STXBP5: variants seen among roughly 807,000 people sequenced by gnomAD.
STXBP5 encodes syntaxin-binding protein 5.
Under a neutral mutation model 152.4 loss-of-function variants are expected in STXBP5, and 50 were observed. The observed-to-expected ratio is 0.33, with a 90% CI of 0.26 to 0.42. The LOEUF (loss-of-function observed/expected upper bound fraction) is 0.42. Ranked by LOEUF, STXBP5 falls within the 10% of genes least tolerant of loss-of-function variation. STXBP5 has a pLI of 1.00. For synonymous variants in STXBP5, 492 were observed against 494.7 expected, an observed-to-expected ratio of 0.99 and a Z score of 0.07; for missense variants, 1,167 against 1,388.6, an observed-to-expected ratio of 0.84 and a Z score of 2.54.
rs528024431 is a variant in STXBP5, at chr6:147,385,630, A to G, written c.*875A>G. ...ATTTGACCAAAATAATGCTGGTTAA[A>G]TTTGTAGAAATGTTGAAATTGGCTG... On this transcript the variant is annotated 3_prime_UTR_variant, in exon 28 of 28. Coordinates refer to ENST00000321680, the MANE Select transcript of STXBP5 (RefSeq NM_001127715.4). 6.6e-6 allele frequency: 1 copy of G among 152,240 alleles called. No homozygotes were observed. The highest frequency in any genetic ancestry group is 6.5e-5 in the Admixed American group (1 of 15,272). The allele number at this position is 152,240 out of a possible 1,614,324, so 9.4% of individuals were successfully genotyped here. A position where few individuals can be genotyped will look rare whatever the true frequency, so the allele number is the denominator to read the frequency against.
chr6:147,246,177 T>C (rs1181846819), intron 4 of STXBP5, among the ~76,000 whole-genome samples: 1 of 152,214 alleles, frequency 6.6e-6, no homozygotes, highest in Non-Finnish European at 1.5e-5. Flanking sequence ...ATATGTTCCA[T>C]TTAGCTTAAT....
chr6:147,213,434 ATGTGTGTGTGTGTGTGTGTG>A (rs1159372834), intron 2 of STXBP5, among the ~76,000 whole-genome samples: 3 of 85,536 alleles, frequency 3.5e-5, no homozygotes, highest in East Asian at 4.7e-4. Flanking sequence ...AATTTTATAT[ATGTGTGTGTGTGTGTGTGTG>A]TGTGTGTGTG....
chr6:147,297,978 T>C (rs1056728281), intron 9 of STXBP5, among the ~76,000 whole-genome samples: 3 of 152,016 alleles, frequency 2.0e-5, no homozygotes, highest in African/African-American at 7.2e-5. Context: ...AGAAAGCAGT[T>C]AACAAAATGG....
intron 19 of STXBP5, among the ~76,000 whole-genome samples, chr6:147,334,921 TC>T (rs923274946): frequency 8.5e-5 from 13 of 152,122 alleles, no homozygotes; most frequent in Non-Finnish European, 1.8e-4. Context: ...CAGGTTTTGA[TC>T]CTTCCATAGC....
chr6:147,268,133 T>A (rs1029252386), intron 7 of STXBP5, among the ~76,000 whole-genome samples: 2 of 152,212 alleles, frequency 1.3e-5, no homozygotes, highest in African/African-American at 4.8e-5. Flanking sequence ...GCTCAACAAC[T>A]TAAACATATT....
chr6:147,206,370 A>G lies in STXBP5; in HGVS notation c.248+302A>G, dbSNP rs1032984415. Among the ~76,000 whole-genome samples, 51 of 152,172 alleles carry G rather than the reference A, an allele frequency of 3.4e-4. 1 individual carries two copies. On this transcript the variant is annotated intron_variant, in intron 2 of 27. Coordinates refer to ENST00000321680, the MANE Select transcript of STXBP5 (RefSeq NM_001127715.4). Reference sequence around the variant, plus strand: ...TCTAAGGAAAAATATATCTGCTTCTATACTATTGGTGTGATGAATGAGGTA... The same window carrying G: ...TCTAAGGAAAAATATATCTGCTTCTGTACTATTGGTGTGATGAATGAGGTA...
Position 147,363,998 on chromosome 6 carries a change from A to T in STXBP5, c.2916-3A>T. ...TTAACAAGTTTTTAATTTTTTTCTCAAGTTTGCCAAGTTTAAGACCTCTGT... is the reference window on the plus strand; with the variant it reads ...TTAACAAGTTTTTAATTTTTTTCTCTAGTTTGCCAAGTTTAAGACCTCTGT... On this transcript the variant is annotated splice_polypyrimidine_tract_variant and splice_region_variant and intron_variant, in intron 24 of 27. Coordinates refer to ENST00000321680, the MANE Select transcript of STXBP5 (RefSeq NM_001127715.4). The T allele has an allele frequency of 4.4e-6, 7 of 1,607,498 alleles. No individual in the cohort carries two copies. Among genetic ancestry groups the T allele is most frequent in the Non-Finnish European group, 5.9e-6 (7 of 1,178,438 alleles).
At chr6:147,309,922 A>T (rs966672494) in intron 9 of STXBP5, among the ~76,000 whole-genome samples, 162 bp from the exon 10 acceptor site, 1 of 152,156 alleles carries the variant, frequency 6.6e-6, no homozygotes, top group Non-Finnish European at 1.5e-5. Context: ...CTTGGGTCTT[A>T]ACTAATCCAA....
chr6:147,315,874 CT>C, intron 15 of STXBP5, 139 bp downstream of exon 15: 1 of 723,210 alleles, frequency 1.4e-6, no homozygotes. Flanking sequence ...TATTATCTCT[CT>C]TTTGTAAAAA....
chr6:147,325,108 C>G (rs751301014), intron 17 of STXBP5, 24 bp downstream of exon 17: 1 of 1,474,842 alleles, frequency 6.8e-7, no homozygotes, highest in South Asian at 1.4e-5. Context: ...ACGTTTTTTT[C>G]TAAGTCTCTT....
Position 147,382,912 on chromosome 6 carries a change from G to C in STXBP5, c.3328G>C (p.Glu1110Gln). ...AGCACGAGCCAGGCTGGCACTAGAT[G>C]AAAGAGGGCAGAAACTTGGCGATCT... ...ELARARLALDERGQKLGDLEE... is the reference protein window; with the variant it reads ...ELARARLALDQRGQKLGDLEE... Residue 1110 changes from glutamate (E) to glutamine (Q), a missense_variant, in exon 27 of 28, where the codon GAA (glutamate) becomes CAA (glutamine). This residue lies in a region of STXBP5 where 833 missense variants were observed against 986.3 expected (regional missense o/e 0.84). Transcript: ENST00000321680. The C allele has an allele frequency of 6.2e-7, 1 of 1,613,528 alleles. No individual in the cohort carries two copies. Among genetic ancestry groups the C allele is most frequent in the Non-Finnish European group, 8.5e-7 (1 of 1,179,688 alleles).
At chr6:147,270,819 A>G (rs944689259) in intron 7 of STXBP5, among the ~76,000 whole-genome samples, 1 of 152,190 alleles carries the variant, frequency 6.6e-6, no homozygotes, top group African/African-American at 2.4e-5. Flanking sequence ...AGAGTTAACA[A>G]ACAGACAACA....
At chr6:147,258,431 T>G (rs1358155874) in intron 4 of STXBP5, among the ~76,000 whole-genome samples, 2 of 152,076 alleles carry the variant, frequency 1.3e-5, no homozygotes, top group South Asian at 2.1e-4. Context: ...TAGTTTTTTG[T>G]TTTTTGTTTT....
intron 3 of STXBP5, among the ~76,000 whole-genome samples, chr6:147,238,303 A>C (rs1778376853): frequency 6.6e-6 from 1 of 152,200 alleles, no homozygotes; most frequent in African/African-American, 2.4e-5. Flanking sequence ...CAAAGAGGTC[A>C]GCCTCACTTT....
chr6:147,312,732 C>A (rs532514216), intron 11 of STXBP5, among the ~76,000 whole-genome samples: 1 of 152,238 alleles, frequency 6.6e-6, no homozygotes, highest in Non-Finnish European at 1.5e-5. Flanking sequence ...TTAGTACCTG[C>A]TACTTTTACT....
intron 22 of STXBP5, among the ~76,000 whole-genome samples, chr6:147,355,310 T>C (rs940934719): frequency 1.3e-5 from 2 of 152,170 alleles, no homozygotes; most frequent in African/African-American, 2.4e-5. Context: ...TAAAAGTTTG[T>C]TGAATAAGGC....
chr6:147,206,428 T>A (rs937751271), intron 2 of STXBP5, among the ~76,000 whole-genome samples: 3 of 152,200 alleles, frequency 2.0e-5, no homozygotes, highest in African/African-American at 7.2e-5. Flanking sequence ...CAATTACTTT[T>A]AAAAATATTA....
intron 22 of STXBP5, among the ~76,000 whole-genome samples, chr6:147,353,580 G>T (rs74869109): frequency 2.6e-5 from 4 of 152,012 alleles, no homozygotes; most frequent in South Asian, 2.1e-4. Context: ...CAAGCAAACC[G>T]CAAGAATATA....
Position 147,204,875 on chromosome 6 carries a change from C to T in STXBP5, c.150+193C>T, listed in dbSNP as rs1052338798. On this transcript the variant is annotated intron_variant, in intron 1 of 27. Coordinates refer to ENST00000321680, the MANE Select transcript of STXBP5 (RefSeq NM_001127715.4). This position sits in a 1 kb window ranked among gnomAD's most constrained non-coding sequence, Gnocchi z 4.3. ...TTGTTTTGGAGATTGATACCTTACT[C>T]CTTTTCATTGATTTTTCTCTCTCCC... Among the ~76,000 whole-genome samples, 1 of 152,146 alleles carries T rather than the reference C, an allele frequency of 6.6e-6. No individual in the cohort carries two copies. Among genetic ancestry groups the T allele is most frequent in the South Asian group, 2.1e-4 (1 of 4,832 alleles).
Sources: gnomAD v4.1 joint callset for allele counts (sites outside exome capture counted in the v4.1 genomes callset) on GRCh38, gnomAD v4.1.1 for gene constraint, gnomAD v4.1.1 regional missense constraint, Gnocchi (gnomAD v3.1) non-coding constraint, MANE v1.5 for transcripts, NCBI Gene and HGNC (gene_info 2026-07-23, HGNC 2026-07-21) for gene names.